The following CHD9 variants were observed in gnomAD, a reference collection of about 807,000 sequenced individuals.
CHD9 encodes ATP-dependent chromatin remodeler CHD9.
In CHD9, 77 loss-of-function variants were observed where a neutral mutation model predicts 316.1. That is an observed-to-expected ratio of 0.24 (90% confidence interval 0.20 to 0.29). The LOEUF is 0.29. CHD9 is among the 10% of genes least tolerant of loss of function. The probability of loss-of-function intolerance (pLI) is 1.00; values close to 1 mark genes in which losing one functional copy is unlikely to be tolerated. For synonymous variants in CHD9, 1,129 were observed against 1,158.3 expected (o/e 0.97, Z 0.51); for missense variants, 2,763 against 3,438.1 (o/e 0.80, Z 4.91).
At chr16:53,076,297 G>T (rs1023703485) in intron 1 of CHD9, among the ~76,000 whole-genome samples, 3 of 152,082 alleles carry the variant, frequency 2.0e-5, no homozygotes, top group Non-Finnish European at 4.4e-5. Flanking sequence ...TAATTAGGCT[G>T]GGTGTGATGG....
intron 17 of CHD9, among the ~76,000 whole-genome samples, chr16:53,251,286 A>T (rs1333724658): frequency 6.6e-6 from 1 of 152,240 alleles, no homozygotes; most frequent in Non-Finnish European, 1.5e-5. Flanking sequence ...TGCCTTTGAA[A>T]TGCATGTTTG....
intron 2 of CHD9, among the ~76,000 whole-genome samples, chr16:53,207,422 C>T (rs370124097): frequency 2.0e-5 from 3 of 152,050 alleles, no homozygotes; most frequent in African/African-American, 4.8e-5. Context: ...CATGTTAAGA[C>T]GATGAAACAA....
chr16:53,253,035 A>G (rs111709163), intron 17 of CHD9, among the ~76,000 whole-genome samples: 11 of 152,296 alleles, frequency 7.2e-5, no homozygotes, highest in African/African-American at 2.2e-4. Context: ...TGATCCAGCA[A>G]TCTCACTACT....
At chr16:53,187,771 A>G (rs2044151951) in intron 2 of CHD9, among the ~76,000 whole-genome samples, 1 of 152,176 alleles carries the variant, frequency 6.6e-6, no homozygotes, top group Non-Finnish European at 1.5e-5. Flanking sequence ...GACCTTGGGA[A>G]AAGGACTTTT....
intron 1 of CHD9, among the ~76,000 whole-genome samples, chr16:53,089,414 TCTC>T (rs2035747452): frequency 6.6e-6 from 1 of 152,246 alleles, no homozygotes; most frequent in African/African-American, 2.4e-5. Context: ...ATAATTCCCT[TCTC>T]CTATCTCATG....
intron 2 of CHD9, among the ~76,000 whole-genome samples, chr16:53,204,618 T>C (rs2045748720): frequency 1.3e-5 from 2 of 152,282 alleles, no homozygotes; most frequent in Middle Eastern, 3.4e-3. Context: ...CATGACTTGC[T>C]ATTAGGTCAT....
At chr16:53,188,487 CT>C (rs979948930) in intron 2 of CHD9, among the ~76,000 whole-genome samples, 4 of 138,766 alleles carry the variant, frequency 2.9e-5, no homozygotes, top group African/African-American at 8.2e-5. Flanking sequence ...GTTTTTATGT[CT>C]TTTTTTTATT....
At chr16:53,059,211 T>C (rs1177405562) in intron 1 of CHD9, among the ~76,000 whole-genome samples, 1 of 152,172 alleles carries the variant, frequency 6.6e-6, no homozygotes, top group Non-Finnish European at 1.5e-5. Flanking sequence ...GAGAAATCAG[T>C]AACTAAGTGG....
chr16:53,165,621 C>T (rs2042222161), intron 2 of CHD9, among the ~76,000 whole-genome samples: 1 of 152,052 alleles, frequency 6.6e-6, no homozygotes, highest in Non-Finnish European at 1.5e-5. Flanking sequence ...GATTGAAATA[C>T]ATTAGATATT....
intron 1 of CHD9, among the ~76,000 whole-genome samples, chr16:53,113,941 C>T (rs2038070331): frequency 1.3e-5 from 2 of 151,900 alleles, no homozygotes; most frequent in African/African-American, 2.4e-5. Flanking sequence ...CTCCTGGCCT[C>T]ACCTCCCACC....
chr16:53,074,440 G>A (rs565397466), intron 1 of CHD9, among the ~76,000 whole-genome samples: 1 of 152,332 alleles, frequency 6.6e-6, no homozygotes, highest in East Asian at 1.9e-4. Flanking sequence ...TAATCCCCAG[G>A]ACAATGGAGA....
intron 2 of CHD9, among the ~76,000 whole-genome samples, chr16:53,194,945 G>T (rs541522987): frequency 6.6e-6 from 1 of 152,270 alleles, no homozygotes; most frequent in African/African-American, 2.4e-5. Flanking sequence ...AGACATTATT[G>T]CATTAAGAGA....
In CHD9 at chr16:53,249,926, A is replaced by C; in HGVS notation, c.3721A>C (p.Ile1241Leu). The change falls in exon 17 of 39, where the codon ATA becomes CTA. Residue 1241 changes from isoleucine to leucine, a missense_variant. Ile to Leu is a conservative substitution (Grantham distance 5). Around this residue, in one of 15 missense-constraint regions of CHD9, gnomAD observed 39 missense variants for 40.4 expected, o/e 0.97. Coordinates refer to ENST00000447540, the MANE Select transcript of CHD9 (RefSeq NM_001308319.2). ...RVRGNLRQAA[I>L]DRFSKPDSDR... ...CAGAGGAAATCTTCGGCAAGCTGCT[A>C]TAGATAGATTTAGTAAACCTGATTC... 6.2e-7 allele frequency: 1 copy of C among 1,613,834 alleles called. No homozygotes were observed. The highest frequency in any genetic ancestry group is 8.5e-7 in the Non-Finnish European group (1 of 1,179,782).
chr16:53,262,509 A>G (rs1432273200), intron 19 of CHD9, among the ~76,000 whole-genome samples: 5 of 152,106 alleles, frequency 3.3e-5, no homozygotes, highest in African/African-American at 9.7e-5. Context: ...TAAAATGACA[A>G]TGATTTATTT....
chr16:53,227,986 T>C (rs1260272488), intron 7 of CHD9, among the ~76,000 whole-genome samples: 1 of 151,874 alleles, frequency 6.6e-6, no homozygotes, highest in Non-Finnish European at 1.5e-5. Context: ...CTCAGGAGGC[T>C]GAGGCAGGAG....
At chr16:53,119,379 A>T (rs1364267122) in intron 1 of CHD9, among the ~76,000 whole-genome samples, 1 of 152,138 alleles carries the variant, frequency 6.6e-6, no homozygotes, top group African/African-American at 2.4e-5. Context: ...TATTTAAAAA[A>T]AAAACAAAAC....
At chr16:53,304,688 C>CT in intron 31 of CHD9, 63 bp downstream of exon 31, 2 of 795,096 alleles carry the variant, frequency 2.5e-6, no homozygotes, top group South Asian at 3.4e-5. Context: ...CTTTTCTTTT[C>CT]TTTTCTTTTT....
chr16:53,157,443 G>A lies in CHD9; in HGVS notation c.1354G>A (p.Ala452Thr). ...SHLVTRPSDM[A>T]QTQLQSQARS... Reference sequence around the variant, plus strand: ...TCTGGTAACACGGCCTTCTGATATGGCTCAGACTCAGTTGCAAAGTCAGGC... The same window carrying A: ...TCTGGTAACACGGCCTTCTGATATGACTCAGACTCAGTTGCAAAGTCAGGC... Residue 452 changes from alanine (A) to threonine (T), a missense_variant, in exon 2 of 39, where the codon GCT becomes ACT. Physicochemically the swap from Ala to Thr is moderately conservative, Grantham distance 58 (BLOSUM62 0). This residue lies in a region of CHD9 where 859 missense variants were observed against 890.4 expected (regional missense o/e 0.96). Coordinates refer to ENST00000447540, the MANE Select transcript of CHD9 (RefSeq NM_001308319.2). The A allele has an allele frequency of 1.9e-6, 3 of 1,613,914 alleles. No individual in the cohort carries two copies. The highest frequency in any genetic ancestry group is 2.7e-5 in the African/African-American group (2 of 75,014).
chr16:53,267,255 A>G, intron 20 of CHD9, 39 bp from the exon 21 acceptor site: 1 of 1,414,660 alleles, frequency 7.1e-7, no homozygotes, highest in Non-Finnish European at 9.5e-7. Flanking sequence ...AAGCAAAATC[A>G]TAAAAGTACC....
Sources: allele counts gnomAD v4.1 joint callset (sites outside exome capture counted in the v4.1 genomes callset), GRCh38; gene constraint gnomAD v4.1.1; regional missense constraint gnomAD v4.1.1; transcripts MANE v1.5; gene names NCBI Gene and HGNC (gene_info 2026-07-23, HGNC 2026-07-21).